Variants in DPP10 observed in about 807,000 individuals in gnomAD.
DPP10 encodes the protein dipeptidyl peptidase like 10.
A neutral mutation model predicts 120.9 loss-of-function variants in DPP10; 33 were observed. The ratio of observed to expected loss-of-function variants is 0.27; its 90% CI spans 0.21 to 0.37. DPP10 has a LOEUF of 0.37. DPP10 is among the 10% of genes least tolerant of loss of function. The pLI is 1.00. For missense variants in DPP10, 816 were observed against 942.8 expected (o/e 0.87, Z 1.76); for synonymous variants, 337 against 326.1 (o/e 1.03, Z -0.36).
intron 1 of DPP10, among the ~76,000 whole-genome samples, chr2:115,078,716 G>A (rs1022694882): frequency 6.6e-6 from 1 of 152,080 alleles, no homozygotes; most frequent in Non-Finnish European, 1.5e-5. Flanking sequence ...ACACGGGATT[G>A]GTCACCTGAT....
At chr2:115,798,955 C>G (rs1038837111) in intron 19 of DPP10, among the ~76,000 whole-genome samples, 2 of 151,948 alleles carry the variant, frequency 1.3e-5, no homozygotes, top group African/African-American at 4.8e-5. Flanking sequence ...GTCTTTGTAG[C>G]CTGTATGATT....
intron 3 of DPP10, among the ~76,000 whole-genome samples, chr2:115,367,187 ACAGT>A (rs1274281753): frequency 2.6e-5 from 4 of 152,044 alleles, no homozygotes; most frequent in African/African-American, 4.8e-5. Flanking sequence ...TAATGGACAG[ACAGT>A]CAGACAATAG....
intron 1 of DPP10, among the ~76,000 whole-genome samples, chr2:114,974,354 T>C (rs1290292769): frequency 6.6e-6 from 1 of 152,150 alleles, no homozygotes; most frequent in Admixed American, 6.6e-5. Context: ...TGTTCAGGTT[T>C]GTAGCCTAGG....
intron 3 of DPP10, among the ~76,000 whole-genome samples, chr2:115,352,046 A>G (rs1365322494): frequency 6.6e-6 from 1 of 152,062 alleles, no homozygotes; most frequent in Non-Finnish European, 1.5e-5. Context: ...CTAAACACCA[A>G]GAGAGAGAAA....
intron 1 of DPP10, among the ~76,000 whole-genome samples, chr2:114,856,920 A>T (rs1011155495): frequency 2.0e-5 from 3 of 152,232 alleles, no homozygotes; most frequent in African/African-American, 7.2e-5. Flanking sequence ...TGAATGTTTC[A>T]TGCCTGTCCA....
chr2:115,162,194 A>G (rs1371662990), intron 1 of DPP10: 3 of 1,551,708 alleles, frequency 1.9e-6, no homozygotes, highest in African/African-American at 2.7e-5. Flanking sequence ...CTCTGCGGGA[A>G]GTTAGAGCCT....
intron 1 of DPP10, among the ~76,000 whole-genome samples, chr2:114,742,343 G>GA (rs1275595270): frequency 6.6e-6 from 1 of 151,980 alleles, no homozygotes; most frequent in East Asian, 1.9e-4. Flanking sequence ...AGGAGAAGAA[G>GA]AAAAAACTAA....
At chr2:115,185,435 A>C (rs1015302262) in intron 1 of DPP10, among the ~76,000 whole-genome samples, 3 of 152,090 alleles carry the variant, frequency 2.0e-5, no homozygotes, top group Non-Finnish European at 4.4e-5. Context: ...TTAGTGACAA[A>C]AGTTTTAAAG....
chr2:115,105,159 C>T (rs971500244), intron 1 of DPP10, among the ~76,000 whole-genome samples: 1 of 152,152 alleles, frequency 6.6e-6, no homozygotes, highest in Non-Finnish European at 1.5e-5. Context: ...TCTAGGTCTA[C>T]CTCTCTATTG....
chr2:114,477,700 T>C (rs1680542564), intron 1 of DPP10, among the ~76,000 whole-genome samples: 1 of 123,652 alleles, frequency 8.1e-6, no homozygotes, highest in Non-Finnish European at 1.9e-5. Context: ...CAGTAGAGTA[T>C]GTGTGTGTGT....
At chr2:114,733,565 T>C (rs1448049667) in intron 1 of DPP10, among the ~76,000 whole-genome samples, 1 of 152,212 alleles carries the variant, frequency 6.6e-6, no homozygotes, top group African/African-American at 2.4e-5. Flanking sequence ...GAGTTTGTTC[T>C]TTTGTTTAAA....
At chr2:114,694,122 T>A (rs904348868) in intron 1 of DPP10, among the ~76,000 whole-genome samples, 1 of 151,942 alleles carries the variant, frequency 6.6e-6, no homozygotes, top group Non-Finnish European at 1.5e-5. Flanking sequence ...ATAATCTGGG[T>A]AACTTTGGGA....
chr2:114,738,717 A>G (rs988145185), intron 1 of DPP10, among the ~76,000 whole-genome samples: 3 of 152,190 alleles, frequency 2.0e-5, no homozygotes, highest in Non-Finnish European at 2.9e-5. Flanking sequence ...AAGATGGAAA[A>G]GGAGAATAGT....
rs957287140 is a variant in DPP10 at position 114,999,604 on chromosome 2, G to A, written c.61-309635G>A. ...ACCTCCTGTCCTTTCTTATCTTGAG[G>A]CCTTTGTCGGTGCTAATTCCTCTAC... is the stretch of plus-strand genomic sequence containing the variant. On this transcript the variant is annotated intron_variant, in intron 1 of 25. Transcript: ENST00000410059. 1.2e-4 allele frequency among the ~76,000 whole-genome samples: 18 copies of A among 152,108 alleles called. No homozygotes were observed. The South Asian group carries it at 3.7e-3, about 32-fold the overall frequency.
intron 1 of DPP10, among the ~76,000 whole-genome samples, chr2:114,645,093 G>C (rs1291619125): frequency 6.7e-6 from 1 of 150,096 alleles, no homozygotes; most frequent in Non-Finnish European, 1.5e-5. Context: ...AGTGTGATGA[G>C]TGACGGGAAT....
At chr2:115,495,085 C>T (rs1426032209) in intron 3 of DPP10, among the ~76,000 whole-genome samples, 1 of 151,938 alleles carries the variant, frequency 6.6e-6, no homozygotes, top group African/African-American at 2.4e-5. Flanking sequence ...AGTTTATTAC[C>T]TATAATAGTC....
chr2:114,705,540 C>G (rs1049587789), intron 1 of DPP10, among the ~76,000 whole-genome samples: 2 of 151,994 alleles, frequency 1.3e-5, no homozygotes, highest in African/African-American at 4.8e-5. Context: ...ATCACCGTGT[C>G]TATTAGTTGC....
At chr2:114,477,165 G>T (rs1394458658) in intron 1 of DPP10, among the ~76,000 whole-genome samples, 2 of 151,790 alleles carry the variant, frequency 1.3e-5, no homozygotes, top group Admixed American at 6.6e-5. Flanking sequence ...CACCATGTTG[G>T]ACAGGCAGGT....
At chr2:114,496,692 C>T (rs373452667) in intron 1 of DPP10, among the ~76,000 whole-genome samples, 1 of 151,906 alleles carries the variant, frequency 6.6e-6, no homozygotes, top group Non-Finnish European at 1.5e-5. Context: ...TTTGGAGAGA[C>T]ACAAATATTT....
Sources: allele counts gnomAD v4.1 joint callset (sites outside exome capture counted in the v4.1 genomes callset), GRCh38; gene constraint gnomAD v4.1.1; transcripts MANE v1.5; gene names NCBI Gene and HGNC (gene_info 2026-07-23, HGNC 2026-07-21).